EIF4G3: variants seen among roughly 807,000 people sequenced by gnomAD.
The protein encoded by EIF4G3 is eukaryotic translation initiation factor 4 gamma 3, also known as eIF-4-gamma 3.
EIF4G3 carries 34 observed loss-of-function variants against 186.4 expected under a neutral mutation model. The ratio of observed to expected loss-of-function variants is 0.18; its 90% CI spans 0.14 to 0.24. The LOEUF (loss-of-function observed/expected upper bound fraction) is 0.24, where lower values mean the gene tolerates loss of function less well. Among genes scored for constraint, EIF4G3 ranks in the 10% least tolerant of loss-of-function variants. EIF4G3 has a pLI of 1.00. For synonymous variants in EIF4G3, 673 were observed against 679.5 expected, an observed-to-expected ratio of 0.99 and a Z score of 0.15; for missense variants, 1,536 against 1,948.5, an observed-to-expected ratio of 0.79 and a Z score of 3.99.
intron 33 of EIF4G3, among the ~76,000 whole-genome samples, chr1:20,821,079 C>CAAAA (rs1491268979): frequency 6.6e-6 from 1 of 152,156 alleles, no homozygotes; most frequent in Non-Finnish European, 1.5e-5. Flanking sequence ...GTGCCATGGC[C>CAAAA]ACAGAGGTTT....
intron 4 of EIF4G3, among the ~76,000 whole-genome samples, chr1:21,023,365 C>T (rs1291584358): frequency 6.6e-6 from 1 of 151,130 alleles, no homozygotes; most frequent in East Asian, 2.0e-4. Flanking sequence ...CTGCAACCTC[C>T]CTGCCTGATT....
chr1:21,110,360 A>G (rs919740555), intron 2 of EIF4G3, among the ~76,000 whole-genome samples: 2 of 151,986 alleles, frequency 1.3e-5, no homozygotes, highest in South Asian at 4.2e-4. Flanking sequence ...CAGTGACGCA[A>G]TCGCGGCTCA....
chr1:20,905,047 T>C (rs1242848577), intron 14 of EIF4G3, 76 bp from the exon 15 acceptor site: 2 of 1,065,784 alleles, frequency 1.9e-6, no homozygotes, highest in Non-Finnish European at 2.8e-6. Flanking sequence ...GTGATACCTA[T>C]ATTCAAATTA....
At chr1:20,925,094 T>C (rs777143662) in intron 14 of EIF4G3, among the ~76,000 whole-genome samples, 14 of 152,340 alleles carry the variant, frequency 9.2e-5, no homozygotes, top group Non-Finnish European at 1.5e-4. Flanking sequence ...CTGGTGTATA[T>C]GCAAGCACAT....
At chr1:21,093,763 A>G (rs2101518514) in intron 2 of EIF4G3, among the ~76,000 whole-genome samples, 1 of 152,316 alleles carries the variant, frequency 6.6e-6, no homozygotes, top group East Asian at 1.9e-4. Context: ...ACCATGGAAT[A>G]CTATGCAGCC....
chr1:20,971,940 C>A (rs2075978193), intron 11 of EIF4G3, among the ~76,000 whole-genome samples: 2 of 152,130 alleles, frequency 1.3e-5, no homozygotes, highest in African/African-American at 4.8e-5. Context: ...GCCTGAACCT[C>A]ATTAATTTTT....
Position 20,895,418 on chromosome 1 carries a change from T to C in EIF4G3, c.2083A>G (p.Ile695Val), listed in dbSNP as rs1445619644. 2 of 1,614,114 alleles carry C rather than the reference T, an allele frequency of 1.2e-6. No homozygotes were observed. The highest frequency in any genetic ancestry group is 1.7e-6 in the Non-Finnish European group (2 of 1,179,976). ...GGAGGCAGGCCCTCTGGTTTTTGTATACAGGCAGGCATGAACTGGAAGTCC... is the reference window on the plus strand; with the variant it reads ...GGAGGCAGGCCCTCTGGTTTTTGTACACAGGCAGGCATGAACTGGAAGTCC... Reference protein sequence around the residue: ...LLDFQFMPACIQKPEGLPPIS... With the variant: ...LLDFQFMPACVQKPEGLPPIS... Residue 695 changes from isoleucine to valine, a missense_variant, in exon 17 of 37, where the codon ATA (isoleucine) becomes GTA (valine). Ile to Val is a conservative substitution (Grantham distance 29). Transcript: ENST00000602326.
chr1:20,999,758 C>T (rs982151293), intron 6 of EIF4G3: 20 of 453,208 alleles, frequency 4.4e-5, no homozygotes, highest in Middle Eastern at 3.3e-4. Flanking sequence ...TGACAATAGT[C>T]TTAATCCTAT....
intron 14 of EIF4G3, among the ~76,000 whole-genome samples, chr1:20,930,999 C>T (rs1225683899): frequency 2.0e-5 from 3 of 151,374 alleles, no homozygotes; most frequent in South Asian, 2.1e-4. Context: ...CGCCACTGCA[C>T]CCACAAATGT....
At chr1:21,151,140 A>C (rs181383495) in intron 2 of EIF4G3, among the ~76,000 whole-genome samples, 34 of 151,944 alleles carry the variant, frequency 2.2e-4, no homozygotes, top group Middle Eastern at 3.4e-3. Context: ...TTGAATATAC[A>C]TGCTACTTTT....
chr1:21,120,764 G>A (rs1046387658), intron 2 of EIF4G3, among the ~76,000 whole-genome samples: 23 of 152,008 alleles, frequency 1.5e-4, no homozygotes, highest in Admixed American at 2.6e-4. Flanking sequence ...CTATGGCACC[G>A]AATATGAATC....
At chr1:21,146,185 C>G (rs1227262357) in intron 2 of EIF4G3, among the ~76,000 whole-genome samples, 2 of 152,092 alleles carry the variant, frequency 1.3e-5, no homozygotes, top group African/African-American at 2.4e-5. Flanking sequence ...GAGACCCAGT[C>G]TCTACAAAAA....
chr1:21,138,533 G>A (rs2097286151), intron 2 of EIF4G3, among the ~76,000 whole-genome samples: 1 of 152,166 alleles, frequency 6.6e-6, no homozygotes, highest in Non-Finnish European at 1.5e-5. Flanking sequence ...ATATCAAGAT[G>A]TCCTGTGGGG....
At chr1:20,913,800 ATTTT>A (rs68098768) in intron 14 of EIF4G3, among the ~76,000 whole-genome samples, 1 of 75,654 alleles carries the variant, frequency 1.3e-5, no homozygotes, top group African/African-American at 5.2e-5. Flanking sequence ...AATTATTAGA[ATTTT>A]TTTTTTTTTT....
intron 3 of EIF4G3, among the ~76,000 whole-genome samples, chr1:21,062,697 C>A (rs151011869): frequency 2.0e-5 from 3 of 152,318 alleles, no homozygotes; most frequent in African/African-American, 7.2e-5. Flanking sequence ...TCAAGCGATT[C>A]TCCTGCCTCA....
intron 2 of EIF4G3, among the ~76,000 whole-genome samples, chr1:21,151,285 CT>C (rs1025869513): frequency 5.2e-5 from 7 of 134,592 alleles, no homozygotes; most frequent in Non-Finnish European, 1.1e-4. Context: ...GTCACCCAGG[CT>C]GGAGTGCAGT....
Position 20,851,530 on chromosome 1 carries a change from AC to A in EIF4G3, c.3552-53del, listed in dbSNP as rs771985991. 1.2e-5 allele frequency: 19 copies of A among 1,541,334 alleles called. No individual in the cohort carries two copies. The African/African-American group carries it at 2.6e-4, about 21-fold the overall frequency. ...AAGGAAAGACAAGCCCATGTCCCCC[AC>A]ATATTCAAATTATAAAATAACACTA... is the stretch of plus-strand genomic sequence containing the variant. On this transcript the variant is annotated intron_variant, in intron 27 of 36. Coordinates refer to ENST00000602326, the MANE Select transcript of EIF4G3 (RefSeq NM_001391906.1).
At chr1:21,133,944 G>A (rs543705542) in intron 2 of EIF4G3, among the ~76,000 whole-genome samples, 55 of 152,194 alleles carry the variant, frequency 3.6e-4, no homozygotes, top group Non-Finnish European at 7.1e-4. Flanking sequence ...GTTCTCAGTC[G>A]TTGAACTGTA....
chr1:20,920,255 T>C (rs1391554535), intron 14 of EIF4G3, among the ~76,000 whole-genome samples: 1 of 152,238 alleles, frequency 6.6e-6, no homozygotes, highest in Non-Finnish European at 1.5e-5. Flanking sequence ...TAACTAAGTT[T>C]TTAAAATAGG....
Sources: allele counts gnomAD v4.1 joint callset (sites outside exome capture counted in the v4.1 genomes callset), GRCh38; gene constraint gnomAD v4.1.1; transcripts MANE v1.5; gene names NCBI Gene and HGNC (gene_info 2026-07-23, HGNC 2026-07-21).